The following NRAP variants were observed in gnomAD, a reference collection of about 807,000 sequenced individuals.
NRAP encodes the protein nebulin related anchoring protein, also known as nebulin-related-anchoring protein.
Under a neutral mutation model 225.9 loss-of-function variants are expected in NRAP, and 189 were observed. That is an observed-to-expected ratio of 0.84 (90% confidence interval 0.74 to 0.94). The LOEUF (loss-of-function observed/expected upper bound fraction) is 0.94, where lower values mean the gene tolerates loss of function less well. Among genes scored for constraint, NRAP ranks in the 40% least tolerant of loss-of-function variants. The pLI, the probability that NRAP is intolerant of heterozygous loss-of-function variation, is 0.00. For synonymous variants in NRAP, 769 were observed against 790.7 expected, an observed-to-expected ratio of 0.97 and a Z score of 0.46; for missense variants, 2,176 against 2,168.7, an observed-to-expected ratio of 1.00 and a Z score of -0.07.
In NRAP at chr10:113,605,869, C is replaced by T. The variant is rs145560518; in HGVS notation, c.3808G>A (p.Ala1270Thr). The T allele has an allele frequency of 2.0e-4, 318 of 1,608,376 alleles. No homozygotes were observed. In the African/African-American group the frequency reaches 3.8e-3, roughly 19 times the overall value. Residue 1270 changes from alanine to threonine, a missense_variant and splice_region_variant, in exon 34 of 42, where the codon GCA becomes ACA. Ala to Thr is a moderately conservative substitution (Grantham distance 58). Around this residue, in one of 3 missense-constraint regions of NRAP, gnomAD observed 1,708 missense variants for 1,695.5 expected, o/e 1.01. Transcript: ENST00000359988. Reference protein sequence around the residue: ...AKTNAANLSDARYKESWRNLR... With the variant: ...AKTNAANLSDTRYKESWRNLR... ...TTACGCCAGGACTCTTTGTATCTTG[C>T]CTAAAGTGGGAACACATGTAAATCT... is the stretch of plus-strand genomic sequence containing the variant.
At chr10:113,650,239 C>T (rs1404693492) in intron 8 of NRAP, 98 bp from the exon 9 acceptor site, 7 of 868,732 alleles carry the variant, frequency 8.1e-6, no homozygotes, top group Middle Eastern at 2.7e-4. Context: ...TCTTTTTCTG[C>T]TTGGATCTAG....
intron 8 of NRAP, 86 bp from the exon 9 acceptor site, chr10:113,650,227 G>T: frequency 1.1e-6 from 1 of 911,882 alleles, no homozygotes; most frequent in Non-Finnish European, 1.8e-6. Context: ...TTAATGGAAT[G>T]TTCTTTTTCT....
chr10:113,629,006 C>T lies in NRAP; in HGVS notation c.2056G>A (p.Asp686Asn). 1 of 1,613,386 alleles carries T rather than the reference C, an allele frequency of 6.2e-7. No homozygotes were observed. The highest frequency in any genetic ancestry group is 1.1e-5 in the South Asian group (1 of 91,048). ...CCAACTCCCTTCATCCATGCCAGGT[C>T]AGCCTTGTACTGCAGCTACAAAAGA... is the stretch of plus-strand genomic sequence containing the variant. ...GLQSELQYKA[D>N]LAWMKGVGWL... Residue 686 changes from aspartate to asparagine, a missense_variant, in exon 20 of 42, where the codon GAC becomes AAC. Coordinates refer to ENST00000359988, the MANE Select transcript of NRAP (RefSeq NM_198060.4).
At position 113,588,754 on chromosome 10, in the gene NRAP, ACACTCGAGG is replaced by A; in HGVS notation, c.*212_*220del. On this transcript the variant is annotated 3_prime_UTR_variant, in exon 42 of 42. Transcript: ENST00000359988. ...ATCACATCTTTATTCCTCAGCCCAG[ACACTCGAGG>A]CACTCAACAGAATCAGCCATCCACG... is the stretch of plus-strand genomic sequence containing the variant. 1.8e-6 allele frequency: 1 copy of A among 567,886 alleles called. No individual in the cohort carries two copies. Among genetic ancestry groups the A allele is most frequent in the African/African-American group, 1.9e-5 (1 of 53,544 alleles). The allele number at this position is 567,886 out of a possible 1,614,324, so 35.2% of individuals were successfully genotyped here.
chr10:113,624,614 C>T (rs376473614), intron 22 of NRAP, among the ~76,000 whole-genome samples: 3 of 152,214 alleles, frequency 2.0e-5, no homozygotes, highest in East Asian at 3.8e-4. Context: ...AGCTCAAGTC[C>T]TCCACTAGCT....
rs761318205 is a variant in NRAP, at chr10:113,590,587, C to T, written c.4947G>A (p.Leu1649=). The change falls in exon 40 of 42, where the codon CTG becomes CTA. Residue 1649 remains leucine (L), a synonymous_variant. Transcript: ENST00000359988. Reference sequence around the variant, plus strand: ...GGTGGAGGTGGCTCACATCACTCTGCAGCTGGTGGGCCTTCTGAGCATGCC... The same window carrying T: ...GGTGGAGGTGGCTCACATCACTCTGTAGCTGGTGGGCCTTCTGAGCATGCC... The part of the protein sequence containing the change: ...GLRHAQKAHQ[L]QSDVKYKSDL... 1 of 1,610,580 alleles carries T rather than the reference C, an allele frequency of 6.2e-7. No individual in the cohort carries two copies. Among genetic ancestry groups the T allele is most frequent in the South Asian group, 1.1e-5 (1 of 91,050 alleles).
chr10:113,635,660 T>TCA (rs1848828776), intron 14 of NRAP, among the ~76,000 whole-genome samples: 1 of 152,140 alleles, frequency 6.6e-6, no homozygotes, highest in South Asian at 2.1e-4. Context: ...ACCCTTGGCC[T>TCA]CAAGGGATCC....
chr10:113,631,879 G>A lies in NRAP; in HGVS notation c.1718C>T (p.Ala573Val), dbSNP rs1357175484. The part of the protein sequence containing the change: ...LDAMSLLAAK[A>V]SGELASNIKY... ...TACATTGCTAGCAAGCTCCCCAGAGGCTTTGGCGGCCAGCAGAGACATGGC... is the reference window on the plus strand; with the variant it reads ...TACATTGCTAGCAAGCTCCCCAGAGACTTTGGCGGCCAGCAGAGACATGGC... The change falls in exon 17 of 42, where the codon GCC becomes GTC. Residue 573 changes from alanine (A) to valine (V), a missense_variant. Physicochemically the swap from Ala to Val is moderately conservative, Grantham distance 64. Around this residue, in one of 3 missense-constraint regions of NRAP, gnomAD observed 1,708 missense variants for 1,695.5 expected, o/e 1.01. Coordinates refer to ENST00000359988, the MANE Select transcript of NRAP (RefSeq NM_198060.4). 6 of 1,611,772 alleles carry A rather than the reference G, an allele frequency of 3.7e-6. No homozygotes were observed. The highest frequency in any genetic ancestry group is 5.1e-6 in the Non-Finnish European group (6 of 1,177,852).
rs1334962847 is a variant in NRAP at position 113,660,882 on chromosome 10, C to T, written c.255+1797G>A. ...AGTTAAACAGATCTGGATTTGTGCC[C>T]AACCAGCTGGGTAAACTAGGCAGGT... On this transcript the variant is annotated intron_variant, in intron 3 of 41. Transcript: ENST00000359988. Among the ~76,000 whole-genome samples the T allele has an allele frequency of 2.6e-5, 4 of 152,148 alleles. No individual in the cohort carries two copies. In the East Asian group the frequency reaches 7.7e-4, roughly 29 times the overall value.
At chr10:113,636,879 C>T (rs142052627) in intron 14 of NRAP, among the ~76,000 whole-genome samples, 39 of 152,026 alleles carry the variant, frequency 2.6e-4, no homozygotes, top group African/African-American at 8.7e-4. Flanking sequence ...TGGTGGCTCG[C>T]GCCTGTAACC....
Position 113,590,698 on chromosome 10 carries a change from G to A in NRAP, c.4836C>T (p.Ala1612=). ...CACTGGCCAGCTGCTGGCTCCTCTTGGCCTGAAGGAGGCCGGGCTGGTCTG... is the reference window on the plus strand; with the variant it reads ...CACTGGCCAGCTGCTGGCTCCTCTTAGCCTGAAGGAGGCCGGGCTGGTCTG... The part of the protein sequence containing the change: ...SSTDQPGLLQ[A]KRSQQLASDV... Residue 1612 remains alanine, a synonymous_variant, in exon 40 of 42, where the codon GCC becomes GCT. Coordinates refer to ENST00000359988, the MANE Select transcript of NRAP (RefSeq NM_198060.4). 6.2e-7 allele frequency: 1 copy of A among 1,614,166 alleles called. No homozygotes were observed. Among genetic ancestry groups the A allele is most frequent in the South Asian group, 1.1e-5 (1 of 91,082 alleles).
chr10:113,625,690 C>T (rs997601297), intron 21 of NRAP, among the ~76,000 whole-genome samples: 2 of 152,128 alleles, frequency 1.3e-5, no homozygotes, highest in East Asian at 1.9e-4. Context: ...ACACCCCAAA[C>T]GCAAATGTTT....
rs182421369 is a variant in NRAP at position 113,651,609 on chromosome 10, G to A, written c.675+194C>T. ...ATGGGGTGTTTGGTTTTCTGTTCCTGTATTAGTCTGCTGAGGATAATGGCC... is the reference window on the plus strand; with the variant it reads ...ATGGGGTGTTTGGTTTTCTGTTCCTATATTAGTCTGCTGAGGATAATGGCC... On this transcript the variant is annotated intron_variant, in intron 7 of 41. Coordinates refer to ENST00000359988, the MANE Select transcript of NRAP (RefSeq NM_198060.4). Among the ~76,000 whole-genome samples, 434 of 152,212 alleles carry A rather than the reference G, an allele frequency of 2.9e-3. 2 individuals carry two copies. Among genetic ancestry groups the A allele is most frequent in the Non-Finnish European group, 4.7e-3 (318 of 68,026 alleles).
intron 1 of NRAP, 68 bp from the exon 2 acceptor site, chr10:113,663,514 T>C (rs1850826990): frequency 9.9e-7 from 1 of 1,014,112 alleles, no homozygotes; most frequent in Non-Finnish European, 1.5e-6. Context: ...CTTATATATT[T>C]TAGGGTAAAA....
chr10:113,624,971 G>T, intron 21 of NRAP, 41 bp from the exon 22 acceptor site: 1 of 1,286,848 alleles, frequency 7.8e-7, no homozygotes, highest in Non-Finnish European at 1.1e-6. Flanking sequence ...GGTGGCAAGG[G>T]CGAGGTGGGC....
chr10:113,642,302 A>G (rs1849247986), intron 12 of NRAP, among the ~76,000 whole-genome samples: 1 of 152,182 alleles, frequency 6.6e-6, no homozygotes, highest in South Asian at 2.1e-4. Flanking sequence ...GACATAAGGT[A>G]TGTTGGCTCT....
intron 11 of NRAP, 27 bp downstream of exon 11, chr10:113,645,798 T>C (rs1849467384): frequency 8.9e-7 from 1 of 1,127,612 alleles, no homozygotes; most frequent in African/African-American, 1.5e-5. Flanking sequence ...GTGATGCTCA[T>C]GGGTGTGACT....
chr10:113,648,538 A>G (rs1235111500), intron 9 of NRAP, among the ~76,000 whole-genome samples: 8 of 149,144 alleles, frequency 5.4e-5, no homozygotes, highest in African/African-American at 1.7e-4. Context: ...TGTTGATTAC[A>G]TGGTATAATC....
In NRAP at chr10:113,628,907, T is replaced by G; in HGVS notation, c.2145+10A>C. On this transcript the variant is annotated intron_variant, in intron 20 of 41. Coordinates refer to ENST00000359988, the MANE Select transcript of NRAP (RefSeq NM_198060.4). ...GACTACTGGAGGCCAGAGGCCCCAG[T>G]GCAGGTTACCTCGCTGACCAGCTGT... 1 of 1,561,542 alleles carries G rather than the reference T, an allele frequency of 6.4e-7. No homozygotes were observed. The highest frequency in any genetic ancestry group is 8.8e-7 in the Non-Finnish European group (1 of 1,141,844).
Sources: allele counts gnomAD v4.1 joint callset (sites outside exome capture counted in the v4.1 genomes callset), GRCh38; gene constraint gnomAD v4.1.1; regional missense constraint gnomAD v4.1.1; transcripts MANE v1.5; gene names NCBI Gene and HGNC (gene_info 2026-07-23, HGNC 2026-07-21).